RSRP1: variants seen among roughly 807,000 people sequenced by gnomAD.
The protein encoded by RSRP1 is arginine/serine-rich protein 1.
A neutral mutation model predicts 33.0 loss-of-function variants in RSRP1; 37 were observed. That is an observed-to-expected ratio of 1.12 (90% CI 0.86 to 1.48). RSRP1 has a LOEUF of 1.48. Ranked by LOEUF, RSRP1 falls within the 40% of genes most tolerant of loss-of-function variation. RSRP1 has a pLI of 0.00. For synonymous variants in RSRP1, 167 were observed against 158.7 expected, an observed-to-expected ratio of 1.05 and a Z score of -0.40; for missense variants, 402 against 385.3, an observed-to-expected ratio of 1.04 and a Z score of -0.36.
intron 1 of RSRP1, among the ~76,000 whole-genome samples, chr1:25,287,607 A>AG (rs1160554140): frequency 7.4e-6 from 1 of 135,192 alleles, no homozygotes; most frequent in Admixed American, 7.1e-5. Context: ...CCTTCAGGGG[A>AG]GGGGCCTATC....
rs181709312 is a variant in RSRP1 at position 25,259,833 on chromosome 1, G to A, written c.-66-12804C>T. 4.6e-3 allele frequency among the ~76,000 whole-genome samples: 706 copies of A among 152,140 alleles called. 3 individuals are homozygous for A. Among genetic ancestry groups the A allele is most frequent in the African/African-American group, 0.016 (665 of 41,506 alleles). On this transcript the variant is annotated intron_variant, in intron 1 of 1. Transcript: ENST00000561867. Reference sequence around the variant, plus strand: ...CTTCCCTTTTTGAATACCATTTGGCGTTTTGAAGAATTAACAGCTTTGTGA... The same window carrying A: ...CTTCCCTTTTTGAATACCATTTGGCATTTTGAAGAATTAACAGCTTTGTGA...
Position 25,279,144 on chromosome 1 carries a change from G to A in RSRP1, c.-66-32115C>T, listed in dbSNP as rs1311815018. Among the ~76,000 whole-genome samples, 12 of 125,790 alleles carry A rather than the reference G, an allele frequency of 9.5e-5. 4 individuals carry two copies. The Middle Eastern group carries it at 0.013, about 133-fold the overall frequency. The allele number at this position is 125,790 out of a possible 152,430, so 82.5% of individuals were successfully genotyped here. ...AAGGCCAAAGTGCTGTTATCCAAAC[G>A]AACTCTTTGCAAGTGGTCTCTTTGC... is the stretch of plus-strand genomic sequence containing the variant. On this transcript the variant is annotated intron_variant, in intron 1 of 1. Transcript: ENST00000561867.
intron 1 of RSRP1, chr1:25,336,558 A>G (rs562505766): frequency 7.0e-6 from 1 of 142,498 alleles, no homozygotes; most frequent in Admixed American, 6.8e-5. Flanking sequence ...ATGCTCACTC[A>G]TATTTATAAA....
rs1273450346 is a variant in RSRP1 at position 25,305,883 on chromosome 1, T to C, written c.-67+32095A>G. 3.0e-5 allele frequency among the ~76,000 whole-genome samples: 4 copies of C among 131,492 alleles called. 2 individuals carry two copies. 86.3% of individuals were successfully genotyped at this position (131,492 alleles called of 152,430 possible). A position where few individuals can be genotyped will look rare whatever the true frequency, so the allele number is the denominator to read the frequency against. ...TCCCAAAGTGCTGGGATTACAGGCA[T>C]GAGCCACCGTGCCCAACCTGGATTT... On this transcript the variant is annotated intron_variant, in intron 1 of 1. Coordinates refer to the RSRP1 transcript ENST00000561867.
rs542066124 is a variant in RSRP1, at chr1:25,256,143, G to A, written c.-66-9114C>T. On this transcript the variant is annotated intron_variant, in intron 1 of 1. Transcript: ENST00000561867. Reference sequence around the variant, plus strand: ...AGTTTTTCCTGGAAGTCTTCTATCCGGATCTTTTTTTTTTTTTTTTTTTAA... The same window carrying A: ...AGTTTTTCCTGGAAGTCTTCTATCCAGATCTTTTTTTTTTTTTTTTTTTAA... Among the ~76,000 whole-genome samples, 40 of 151,342 alleles carry A rather than the reference G, an allele frequency of 2.6e-4. No individual in the cohort carries two copies. The South Asian group carries it at 6.1e-3, about 23-fold the overall frequency.
intron 1 of RSRP1, among the ~76,000 whole-genome samples, chr1:25,256,182 A>G (rs929053481): frequency 6.4e-5 from 9 of 141,000 alleles, no homozygotes; most frequent in Non-Finnish European, 1.4e-4. Context: ...ACAGAGTCTC[A>G]CTAGCTCTGT....
At chr1:25,268,285 A>C (rs1339872777) in intron 1 of RSRP1, among the ~76,000 whole-genome samples, 2 of 131,510 alleles carry the variant, frequency 1.5e-5, no homozygotes, top group African/African-American at 5.2e-5. Flanking sequence ...TTGCGAGGCC[A>C]AGGTGGGCAA....
In RSRP1 at chr1:25,331,028, ATGGATCTCGG is replaced by A. The variant is rs1235680734; in HGVS notation, c.-67+6940_-67+6949del. On this transcript the variant is annotated intron_variant, in intron 1 of 1. Coordinates refer to the RSRP1 transcript ENST00000561867. The stretch of plus-strand genomic sequence containing the variant: ...GCCCAGGCTGGAGTGCAGTGGCCCG[ATGGATCTCGG>A]CTCACTGCAACCTCTGCCTCCCAGG... Among the ~76,000 whole-genome samples, 3 of 91,472 alleles carry A rather than the reference ATGGATCTCGG, an allele frequency of 3.3e-5. 1 individual carries two copies. The highest frequency in any genetic ancestry group is 6.9e-5 in the Non-Finnish European group (3 of 43,442). The allele number at this position is 91,472 out of a possible 152,430, so 60.0% of individuals were successfully genotyped here. A position where few individuals can be genotyped will look rare whatever the true frequency, so the allele number is the denominator to read the frequency against.
At position 25,293,350 on chromosome 1, in the gene RSRP1, C is replaced by CTT. The variant is rs1278720414; in HGVS notation, c.-67+44626_-67+44627dup. Among the ~76,000 whole-genome samples the CTT allele has an allele frequency of 1.8e-4, 20 of 112,186 alleles. 1 individual carries two copies. The highest frequency in any genetic ancestry group is 5.6e-4 in the African/African-American group (19 of 33,828). The allele number at this position is 112,186 out of a possible 152,430, so 73.6% of individuals were successfully genotyped here. On this transcript the variant is annotated intron_variant, in intron 1 of 1. Transcript: ENST00000561867. Reference sequence around the variant, plus strand: ...TTAGGCCGATGCAGGGACAGTTCATCTTTTTTTTTTTTTTATACAACATTT... The same window carrying CTT: ...TTAGGCCGATGCAGGGACAGTTCATCTTTTTTTTTTTTTTTTATACAACATTT...
chr1:25,246,418 A>G (rs773253454), intron 2 of RSRP1, 26 bp downstream of exon 2: 4 of 1,605,304 alleles, frequency 2.5e-6, no homozygotes, highest in Non-Finnish European at 3.4e-6. Context: ...CATTACCACA[A>G]ATGGAAAGGT....
intron 1 of RSRP1, among the ~76,000 whole-genome samples, chr1:25,278,576 G>C (rs371491457): frequency 7.6e-6 from 1 of 131,454 alleles, no homozygotes; most frequent in African/African-American, 2.6e-5. Flanking sequence ...GTGTTTGGCA[G>C]TTGGTGATTC....
At chr1:25,256,147 CTTT>C (rs58871827) in intron 1 of RSRP1, among the ~76,000 whole-genome samples, 10 of 132,962 alleles carry the variant, frequency 7.5e-5, no homozygotes, top group African/African-American at 1.1e-4. Flanking sequence ...CTATCCGGAT[CTTT>C]TTTTTTTTTT....
At chr1:25,266,326 C>T (rs28696976) in intron 1 of RSRP1, among the ~76,000 whole-genome samples, 10,223 of 128,832 alleles carry the variant, frequency 0.079, 1,110 homozygotes, top group African/African-American at 0.26. Flanking sequence ...TATCTTTTCT[C>T]CCGCACTCAT....
chr1:25,317,686 T>C (rs1162148069), intron 1 of RSRP1, among the ~76,000 whole-genome samples: 1 of 29,762 alleles, frequency 3.4e-5, no homozygotes, highest in Non-Finnish European at 8.6e-5. Context: ...AGTTAGCTTT[T>C]AAGCAGAGAC....
chr1:25,250,050 G>A (rs1037465469), upstream of RSRP1, among the ~76,000 whole-genome samples: 1 of 152,160 alleles, frequency 6.6e-6, no homozygotes, highest in Non-Finnish European at 1.5e-5. Flanking sequence ...TGAAGAAGGG[G>A]CTAGATTTTC....
chr1:25,271,590 C>T (rs1640517566), intron 1 of RSRP1, among the ~76,000 whole-genome samples: 2 of 132,482 alleles, frequency 1.5e-5, no homozygotes, highest in African/African-American at 5.1e-5. Flanking sequence ...CTCTCTCTTC[C>T]TTCCTTCCTC....
chr1:25,245,660 G>A (rs1013560125), intron 2 of RSRP1, among the ~76,000 whole-genome samples: 1 of 152,086 alleles, frequency 6.6e-6, no homozygotes, highest in African/African-American at 2.4e-5. Flanking sequence ...CTCATTTCTT[G>A]CTGAAAAGAA....
rs1282155137 is a variant in RSRP1 at position 25,286,558 on chromosome 1, G to A, written c.-66-39529C>T. 1.3e-4 allele frequency among the ~76,000 whole-genome samples: 17 copies of A among 134,720 alleles called. 3 individuals carry two copies. The highest frequency in any genetic ancestry group is 6.6e-4 in the South Asian group (3 of 4,550). 88.4% of individuals were successfully genotyped at this position (134,720 alleles called of 152,430 possible). ...TCCCAGCACTTTGGGAGGCCAAGGCGGGGGGATCATGAGGTCAGGAGATCG... is the reference window on the plus strand; with the variant it reads ...TCCCAGCACTTTGGGAGGCCAAGGCAGGGGGATCATGAGGTCAGGAGATCG... On this transcript the variant is annotated intron_variant, in intron 1 of 1. Coordinates refer to the RSRP1 transcript ENST00000561867.
Position 25,303,147 on chromosome 1 carries a change from T to C in RSRP1, c.-67+34831A>G, listed in dbSNP as rs582290. 7.5e-4 allele frequency among the ~76,000 whole-genome samples: 99 copies of C among 131,454 alleles called. 14 individuals carry two copies. The highest frequency in any genetic ancestry group is 1.2e-3 in the Non-Finnish European group (66 of 55,424). 86.2% of individuals were successfully genotyped at this position (131,454 alleles called of 152,430 possible). On this transcript the variant is annotated intron_variant, in intron 1 of 1. Coordinates refer to the RSRP1 transcript ENST00000561867. ...TAAGAGGCAGTAGTGAGCTGGCCCA[T>C]CATGTCCACTGATGAAGGACACGTA...
Sources: gnomAD v4.1 joint callset for allele counts (sites outside exome capture counted in the v4.1 genomes callset) on GRCh38, gnomAD v4.1.1 for gene constraint, MANE v1.5 for transcripts, NCBI Gene and HGNC (gene_info 2026-07-23, HGNC 2026-07-21) for gene names.